The following ZYG11B variants were observed in gnomAD, a reference collection of about 807,000 sequenced individuals.
ZYG11B encodes zyg-11 family member B, cell cycle regulator, also known as protein zyg-11 homolog B.
Under a neutral mutation model 82.4 loss-of-function variants are expected in ZYG11B, and 36 were observed. The observed-to-expected ratio is 0.44, with a 90% CI of 0.33 to 0.58. ZYG11B has a LOEUF of 0.58. Among genes scored for constraint, ZYG11B ranks in the 20% least tolerant of loss-of-function variants. The probability of loss-of-function intolerance (pLI) is 0.02; values close to 1 mark genes in which losing one functional copy is unlikely to be tolerated. For synonymous variants in ZYG11B, 303 were observed against 312.8 expected (o/e 0.97, Z 0.33); for missense variants, 552 against 895.6 (o/e 0.62, Z 4.90).
intron 1 of ZYG11B, among the ~76,000 whole-genome samples, chr1:52,737,532 C>T (rs1200189585): frequency 6.6e-6 from 1 of 151,952 alleles, no homozygotes. Flanking sequence ...TTTGGGAGGC[C>T]GAGGCGGGCG....
chr1:52,786,971 T>TC (rs1180615643), intron 5 of ZYG11B, among the ~76,000 whole-genome samples: 1 of 151,992 alleles, frequency 6.6e-6, no homozygotes, highest in African/African-American at 2.4e-5. Context: ...ATGCTTATAA[T>TC]CCCAGCTACT....
chr1:52,740,963 T>C (rs1308391275), intron 1 of ZYG11B, among the ~76,000 whole-genome samples: 2 of 151,976 alleles, frequency 1.3e-5, no homozygotes, highest in African/African-American at 4.8e-5. Flanking sequence ...ATAGTAGATG[T>C]TTATTTCTGG....
At chr1:52,789,069 C>A (rs1278598484) in intron 5 of ZYG11B, among the ~76,000 whole-genome samples, 1 of 152,132 alleles carries the variant, frequency 6.6e-6, no homozygotes, top group Non-Finnish European at 1.5e-5. Context: ...TCCTGAGAAA[C>A]CCTCTTAATT....
intron 2 of ZYG11B, among the ~76,000 whole-genome samples, chr1:52,762,020 T>G (rs570119091): frequency 6.6e-6 from 1 of 152,274 alleles, no homozygotes; most frequent in Middle Eastern, 3.4e-3. Context: ...GATTGTTTAG[T>G]TTTCTGTTGA....
At chr1:52,765,704 T>C (rs555359689) in intron 2 of ZYG11B, among the ~76,000 whole-genome samples, 2 of 152,232 alleles carry the variant, frequency 1.3e-5, no homozygotes, top group South Asian at 4.1e-4. Flanking sequence ...AGTCTTGCAA[T>C]GTTGCCCAGG....
chr1:52,810,118 T>C (rs1645170784), intron 10 of ZYG11B, among the ~76,000 whole-genome samples: 1 of 152,150 alleles, frequency 6.6e-6, no homozygotes, highest in Non-Finnish European at 1.5e-5. Context: ...TTTTATGATT[T>C]ATTAGGAGGT....
intron 10 of ZYG11B, 132 bp downstream of exon 10, chr1:52,802,271 G>A: frequency 3.2e-6 from 2 of 632,152 alleles, no homozygotes; most frequent in South Asian, 2.5e-5. Flanking sequence ...TGCTAATTGA[G>A]AACTATTCCC....
At chr1:52,804,222 G>T (rs1194317823) in intron 10 of ZYG11B, among the ~76,000 whole-genome samples, 3 of 152,054 alleles carry the variant, frequency 2.0e-5, no homozygotes. Flanking sequence ...CTCCAGCCTG[G>T]GTGACAGAGT....
chr1:52,762,501 G>T (rs765696108), intron 2 of ZYG11B, among the ~76,000 whole-genome samples: 1 of 150,080 alleles, frequency 6.7e-6, no homozygotes, highest in Non-Finnish European at 1.5e-5. Flanking sequence ...GAGCCACCGT[G>T]CCTGGCCTGT....
At chr1:52,756,279 A>G (rs1483487466) in intron 1 of ZYG11B, among the ~76,000 whole-genome samples, 179 bp from the exon 2 acceptor site, 2 of 152,076 alleles carry the variant, frequency 1.3e-5, no homozygotes, top group Non-Finnish European at 2.9e-5. Context: ...TTTCACTTCT[A>G]TTGCTTCTTG....
chr1:52,818,794 G>GT (rs771697972), intron 13 of ZYG11B, among the ~76,000 whole-genome samples: 2,820 of 136,886 alleles, frequency 0.021, 86 homozygotes, highest in African/African-American at 0.065. Flanking sequence ...TTTCGCTTGG[G>GT]TTTTTTTTTT....
At chr1:52,742,281 G>A (rs114374978) in intron 1 of ZYG11B, among the ~76,000 whole-genome samples, 1 of 151,462 alleles carries the variant, frequency 6.6e-6, no homozygotes, top group Admixed American at 6.6e-5. Flanking sequence ...GTAAGACCCC[G>A]TCTCTACACA....
Position 52,739,143 on chromosome 1 carries a change from C to T in ZYG11B, c.30+12460C>T, listed in dbSNP as rs186335886. ...TTGGGATTACAGTTACCCCTCACCA[C>T]GCCTGGCTAATTTTTGTAGTTTTAG... On this transcript the variant is annotated intron_variant, in intron 1 of 13. Coordinates refer to ENST00000294353, the MANE Select transcript of ZYG11B (RefSeq NM_024646.3). Among the ~76,000 whole-genome samples, 287 of 151,776 alleles carry T rather than the reference C, an allele frequency of 1.9e-3. 5 individuals are homozygous for T. The highest frequency in any genetic ancestry group is 1.1e-3 in the Non-Finnish European group (73 of 67,984).
intron 1 of ZYG11B, among the ~76,000 whole-genome samples, chr1:52,738,238 C>T (rs1370660021): frequency 6.6e-6 from 1 of 152,084 alleles, no homozygotes; most frequent in African/African-American, 2.4e-5. Flanking sequence ...GAGACAAGGT[C>T]TTCACTCTGT....
intron 10 of ZYG11B, among the ~76,000 whole-genome samples, chr1:52,804,334 C>T (rs558654955): frequency 6.6e-6 from 1 of 151,864 alleles, no homozygotes; most frequent in South Asian, 2.1e-4. Flanking sequence ...TTACGAAGGC[C>T]GAGTATAGTG....
At chr1:52,821,276 A>G (rs939710467) in intron 13 of ZYG11B, among the ~76,000 whole-genome samples, 163 bp from the exon 14 acceptor site, 8 of 152,082 alleles carry the variant, frequency 5.3e-5, no homozygotes, top group African/African-American at 1.9e-4. Context: ...TAGACGTAAC[A>G]TCAGTATAGA....
At chr1:52,788,384 A>G (rs1287073118) in intron 5 of ZYG11B, among the ~76,000 whole-genome samples, 1 of 152,154 alleles carries the variant, frequency 6.6e-6, no homozygotes, top group Non-Finnish European at 1.5e-5. Flanking sequence ...ATTCAGTGAA[A>G]TTTATCTTCT....
intron 5 of ZYG11B, among the ~76,000 whole-genome samples, chr1:52,788,100 G>C (rs1644928706): frequency 6.6e-6 from 1 of 152,112 alleles, no homozygotes; most frequent in Admixed American, 6.6e-5. Context: ...GGAAGGGCAG[G>C]TTGCATGTGA....
Position 52,771,286 on chromosome 1 carries a change from G to A in ZYG11B, c.463G>A (p.Glu155Lys). The A allele has an allele frequency of 6.2e-7, 1 of 1,614,160 alleles. No homozygotes were observed. The highest frequency in any genetic ancestry group is 8.5e-7 in the Non-Finnish European group (1 of 1,180,032). ...SLTLSLEDPYERCFSRLSGLR... is the reference protein window; with the variant it reads ...SLTLSLEDPYKRCFSRLSGLR... Reference sequence around the variant, plus strand: ...AACTCTCTCCCTCGAGGATCCTTACGAGCGCTGCTTCAGCCGGCTTTCTGG... The same window carrying A: ...AACTCTCTCCCTCGAGGATCCTTACAAGCGCTGCTTCAGCCGGCTTTCTGG... Residue 155 changes from glutamate to lysine, a missense_variant, in exon 3 of 14, where the codon GAG becomes AAG. Physicochemically the swap from Glu to Lys is moderately conservative, Grantham distance 56 (BLOSUM62 1). Coordinates refer to ENST00000294353, the MANE Select transcript of ZYG11B (RefSeq NM_024646.3). The surrounding 1 kb of genome is among the most constrained non-coding windows in gnomAD (Gnocchi z 5.4).
Sources: allele counts gnomAD v4.1 joint callset (sites outside exome capture counted in the v4.1 genomes callset), GRCh38; gene constraint gnomAD v4.1.1; non-coding constraint Gnocchi (gnomAD v3.1); transcripts MANE v1.5; gene names NCBI Gene and HGNC (gene_info 2026-07-23, HGNC 2026-07-21).